TP53I11: variants seen among roughly 807,000 people sequenced by gnomAD.
The protein encoded by TP53I11 is tumor protein p53 inducible protein 11.
TP53I11 carries 9 observed loss-of-function variants against 23.3 expected under a neutral mutation model. That is an observed-to-expected ratio of 0.39 (90% CI 0.23 to 0.67). TP53I11 has a LOEUF of 0.67. TP53I11 is among the 30% of genes least tolerant of loss of function. TP53I11 has a pLI of 0.48. For synonymous variants in TP53I11, 100 were observed against 106.1 expected (o/e 0.94, Z 0.35); for missense variants, 170 against 255.2 (o/e 0.67, Z 2.27).
Position 44,932,474 on chromosome 11 carries a change from C to G in TP53I11, c.*2410G>C, listed in dbSNP as rs542008811. On this transcript the variant is annotated 3_prime_UTR_variant, in exon 7 of 7. Transcript: ENST00000525680. The stretch of plus-strand genomic sequence containing the variant: ...GGGATAGACTGGGGCGAGGCAGAAG[C>G]TTGACAAGAGGCTGCTGATGGCTGG... 6.6e-6 allele frequency: 1 copy of G among 152,450 alleles called. No individual in the cohort carries two copies. Among genetic ancestry groups the G allele is most frequent in the South Asian group, 2.1e-4 (1 of 4,866 alleles). The allele number at this position is 152,450 out of a possible 1,614,324, so 9.4% of individuals were successfully genotyped here.
chr11:44,942,594 A>G (rs1725686438), intron 1 of TP53I11, among the ~76,000 whole-genome samples: 1 of 152,200 alleles, frequency 6.6e-6, no homozygotes, highest in African/African-American at 2.4e-5. Flanking sequence ...TGTCCTGGAC[A>G]GAATTACTCA....
chr11:44,938,215 G>A lies in TP53I11; in HGVS notation c.121C>T (p.Arg41Cys). 1.2e-6 allele frequency: 2 copies of A among 1,612,638 alleles called. No homozygotes were observed. The highest frequency in any genetic ancestry group is 1.1e-5 in the South Asian group (1 of 90,818). The change falls in exon 2 of 7, where the codon CGC becomes TGC. Residue 41 changes from arginine to cysteine, a missense_variant. Coordinates refer to ENST00000525680, the MANE Select transcript of TP53I11 (RefSeq NM_006034.5). ...GGEDDDGEVH[R>C]SKISQVLGNE... ...CCTGCTCTGCACCCCACCTTGGAGC[G>A]ATGCACCTCCCCGTCGTCATCCTCC...
chr11:44,943,969 G>C (rs1040816393), intron 1 of TP53I11, among the ~76,000 whole-genome samples: 1 of 152,168 alleles, frequency 6.6e-6, no homozygotes, highest in African/African-American at 2.4e-5. Flanking sequence ...CCACATGGAA[G>C]CTGGTGGCAT....
chr11:44,945,030 T>G (rs764208702), intron 1 of TP53I11, among the ~76,000 whole-genome samples: 2 of 152,188 alleles, frequency 1.3e-5, no homozygotes, highest in South Asian at 2.1e-4. Flanking sequence ...GAAACCTGAC[T>G]GGCTGGGGGA....
chr11:44,945,318 G>T (rs1272534977), intron 1 of TP53I11, among the ~76,000 whole-genome samples: 2 of 152,146 alleles, frequency 1.3e-5, no homozygotes, highest in African/African-American at 4.8e-5. Context: ...ACAACCCTAT[G>T]AGAATGGCCA....
In TP53I11 at chr11:44,933,508, CAG is replaced by C. The variant is rs1390271117; in HGVS notation, c.*1374_*1375del. The stretch of plus-strand genomic sequence containing the variant: ...CTGGCAGGAGGGAGAAGGTTGGGAT[CAG>C]GGACTAACGGGGTGTACAGCACAGG... On this transcript the variant is annotated 3_prime_UTR_variant, in exon 7 of 7. Transcript: ENST00000525680. 3 of 153,868 alleles carry C rather than the reference CAG, an allele frequency of 1.9e-5. No homozygotes were observed. Among genetic ancestry groups the C allele is most frequent in the Admixed American group, 6.5e-5 (1 of 15,298 alleles). 9.5% of individuals were successfully genotyped at this position (153,868 alleles called of 1,614,324 possible). A position where few individuals can be genotyped will look rare whatever the true frequency, so the allele number is the denominator to read the frequency against.
chr11:44,936,959 G>A lies in TP53I11; in HGVS notation c.238-60C>T. 8.1e-7 allele frequency: 1 copy of A among 1,229,884 alleles called. No homozygotes were observed. Among genetic ancestry groups the A allele is most frequent in the Non-Finnish European group, 1.1e-6 (1 of 871,688 alleles). The allele number at this position is 1,229,884 out of a possible 1,614,324, so 76.2% of individuals were successfully genotyped here. A position where few individuals can be genotyped will look rare whatever the true frequency, so the allele number is the denominator to read the frequency against. On this transcript the variant is annotated intron_variant, in intron 4 of 6. Transcript: ENST00000525680. This position sits in a 1 kb window ranked among gnomAD's most constrained non-coding sequence, Gnocchi z 4.4. ...TGGGAGAGGGTGGGGGGTGACAGCT[G>A]ATGCTTCCCACAGACGTCTTCCTTC...
intron 5 of TP53I11, 127 bp from the exon 6 acceptor site, chr11:44,935,789 C>T: frequency 1.5e-6 from 1 of 663,284 alleles, no homozygotes; most frequent in Non-Finnish European, 2.7e-6. Context: ...CTCCACGCCT[C>T]CGCCCCTATT....
chr11:44,932,946 C>CTATT lies in TP53I11; in HGVS notation c.*1934_*1937dup, dbSNP rs1207947544. 1 of 152,266 alleles carries CTATT rather than the reference C, an allele frequency of 6.6e-6. No homozygotes were observed. The allele number at this position is 152,266 out of a possible 1,614,324, so 9.4% of individuals were successfully genotyped here. A position where few individuals can be genotyped will look rare whatever the true frequency, so the allele number is the denominator to read the frequency against. On this transcript the variant is annotated 3_prime_UTR_variant, in exon 7 of 7. Coordinates refer to ENST00000525680, the MANE Select transcript of TP53I11 (RefSeq NM_006034.5). The stretch of plus-strand genomic sequence containing the variant: ...TTATGGGAGGACAAACCAACCATCA[C>CTATT]TATTAGAGGATTAGGCCTGGCTCAG...
At chr11:44,937,704 G>T in intron 2 of TP53I11, 91 bp from the exon 3 acceptor site, 2 of 1,386,066 alleles carry the variant, frequency 1.4e-6, no homozygotes, top group South Asian at 2.4e-5. Flanking sequence ...CACACCCAGG[G>T]ACCAGCCTGG....
intron 1 of TP53I11, among the ~76,000 whole-genome samples, chr11:44,946,142 G>C (rs1302218499): frequency 6.6e-6 from 1 of 152,286 alleles, no homozygotes; most frequent in African/African-American, 2.4e-5. Context: ...GCTGTCCGGG[G>C]GCTAGAGAGA....
In TP53I11 at chr11:44,936,538, G is replaced by T. The variant is rs995011251; in HGVS notation, c.334+265C>A. 1.0e-5 allele frequency: 13 copies of T among 1,254,414 alleles called. No individual in the cohort carries two copies. Among genetic ancestry groups the T allele is most frequent in the Non-Finnish European group, 1.2e-5 (12 of 1,000,144 alleles). The allele number at this position is 1,254,414 out of a possible 1,614,324, so 77.7% of individuals were successfully genotyped here. A position where few individuals can be genotyped will look rare whatever the true frequency, so the allele number is the denominator to read the frequency against. ...GCTTCCTCCATCTCTGTACCACAAC[G>T]CCCAGAGGCAGTGCACACACTTATG... On this transcript the variant is annotated intron_variant, in intron 5 of 6. Transcript: ENST00000525680. The surrounding 1 kb of genome is among the most constrained non-coding windows in gnomAD (Gnocchi z 4.4).
intron 1 of TP53I11, among the ~76,000 whole-genome samples, chr11:44,944,334 C>T (rs181263497): frequency 8.3e-4 from 127 of 152,270 alleles, no homozygotes; most frequent in African/African-American, 3.0e-3. Context: ...GGGACAACTC[C>T]GGGCACAGGA....
At chr11:44,935,455 C>A in intron 6 of TP53I11, 106 bp downstream of exon 6, 5 of 1,037,392 alleles carry the variant, frequency 4.8e-6, no homozygotes, top group South Asian at 1.4e-5. Context: ...CCCTAGCCCC[C>A]CACAGACAGG....
At chr11:44,943,622 C>A (rs1011221645) in intron 1 of TP53I11, among the ~76,000 whole-genome samples, 2 of 152,218 alleles carry the variant, frequency 1.3e-5, no homozygotes, top group African/African-American at 4.8e-5. Context: ...CCTTGTTCCT[C>A]CAGGCTATCT....
At chr11:44,946,346 A>G (rs1862392967) in intron 1 of TP53I11, among the ~76,000 whole-genome samples, 1 of 152,178 alleles carries the variant, frequency 6.6e-6, no homozygotes, top group East Asian at 1.9e-4. Flanking sequence ...CGAGAGCATC[A>G]TTATTCCAAA....
rs1259572526 is a variant in TP53I11 at position 44,936,110 on chromosome 11, G to C, written c.335-448C>G. 9.4e-6 allele frequency: 6 copies of C among 635,200 alleles called. No homozygotes were observed. The highest frequency in any genetic ancestry group is 2.0e-5 in the African/African-American group (1 of 50,710). The allele number at this position is 635,200 out of a possible 1,614,324, so 39.3% of individuals were successfully genotyped here. A position where few individuals can be genotyped will look rare whatever the true frequency, so the allele number is the denominator to read the frequency against. ...GAGCCCGGTAAGGACTCGCTTTAAG[G>C]AAGTCCCCTGGGGGAGGGGGATGAA... On this transcript the variant is annotated intron_variant, in intron 5 of 6. Transcript: ENST00000525680. This position sits in a 1 kb window ranked among gnomAD's most constrained non-coding sequence, Gnocchi z 4.4.
At chr11:44,944,982 C>A (rs1862249178) in intron 1 of TP53I11, among the ~76,000 whole-genome samples, 1 of 152,224 alleles carries the variant, frequency 6.6e-6, no homozygotes, top group Non-Finnish European at 1.5e-5. Context: ...GCCGAGCTGT[C>A]CCCAGCATGA....
Position 44,934,876 on chromosome 11 carries a change from G to A in TP53I11, c.*8C>T. Reference sequence around the variant, plus strand: ...AGGCATGGGCAGGGCCCCAGGCCCAGCGGGCAACTAGGCCTTCTTGGGTCT... The same window carrying A: ...AGGCATGGGCAGGGCCCCAGGCCCAACGGGCAACTAGGCCTTCTTGGGTCT... On this transcript the variant is annotated 3_prime_UTR_variant, in exon 7 of 7. Transcript: ENST00000525680. The A allele has an allele frequency of 6.2e-7, 1 of 1,613,928 alleles. No individual in the cohort carries two copies. Among genetic ancestry groups the A allele is most frequent in the Non-Finnish European group, 8.5e-7 (1 of 1,179,924 alleles).
Sources: gnomAD v4.1 joint callset for allele counts (sites outside exome capture counted in the v4.1 genomes callset) on GRCh38, gnomAD v4.1.1 for gene constraint, Gnocchi (gnomAD v3.1) non-coding constraint, MANE v1.5 for transcripts, NCBI Gene and HGNC (gene_info 2026-07-23, HGNC 2026-07-21) for gene names.